Variants in FAT1 observed in about 807,000 individuals in gnomAD.
FAT1 encodes protocadherin Fat 1.
In FAT1, 171 loss-of-function variants were observed where a neutral mutation model predicts 329.8. The observed-to-expected ratio is 0.52, with a 90% CI of 0.46 to 0.59. The LOEUF is 0.59. Ranked by LOEUF, FAT1 falls within the 20% of genes least tolerant of loss-of-function variation. FAT1 has a pLI of 0.00. For synonymous variants in FAT1, 2,233 were observed against 2,228.6 expected, an observed-to-expected ratio of 1.00 and a Z score of -0.06; for missense variants, 5,672 against 5,774.4, an observed-to-expected ratio of 0.98 and a Z score of 0.57.
At position 186,620,556 on chromosome 4, in the gene FAT1, C is replaced by T. The variant is rs371979270; in HGVS notation, c.6030G>A (p.Glu2010=). 6.2e-7 allele frequency: 1 copy of T among 1,613,944 alleles called. No homozygotes were observed. Among genetic ancestry groups the T allele is most frequent in the Non-Finnish European group, 8.5e-7 (1 of 1,179,870 alleles). Residue 2010 remains glutamate, a synonymous_variant, in exon 10 of 27, where the codon GAG becomes GAA. Coordinates refer to ENST00000441802, the MANE Select transcript of FAT1 (RefSeq NM_005245.4). ...GGTTGAGGATGTGATAAAACAAAGG[C>T]TCATTGATTGGATTCCCAATAGCAG... The part of the protein sequence containing the change: ...VITAIGNPIN[E]PLFYHILNPD...
rs59250145 is a variant in FAT1, at chr4:186,604,756, A to T, written c.10351-182T>A. Among the ~76,000 whole-genome samples the T allele has an allele frequency of 0.15, 22,565 of 150,188 alleles. 1,884 individuals carry two copies. The highest frequency in any genetic ancestry group is 0.3 in the East Asian group (1,517 of 5,094). ...TGGTGGTGAGGAGGAGGGAAAGGAG[A>T]AGGGGTGTAGCGAAAAGGGAAGAAA... On this transcript the variant is annotated intron_variant, in intron 17 of 26. Coordinates refer to ENST00000441802, the MANE Select transcript of FAT1 (RefSeq NM_005245.4).
In FAT1 at chr4:186,596,438, C is replaced by A. The variant is rs1296177360; in HGVS notation, c.13000+102G>T. 2 of 1,304,854 alleles carry A rather than the reference C, an allele frequency of 1.5e-6. No homozygotes were observed. Among genetic ancestry groups the A allele is most frequent in the East Asian group, 4.7e-5 (2 of 42,312 alleles). The allele number at this position is 1,304,854 out of a possible 1,614,324, so 80.8% of individuals were successfully genotyped here. On this transcript the variant is annotated intron_variant, in intron 25 of 26. Transcript: ENST00000441802. This position sits in a 1 kb window ranked among gnomAD's most constrained non-coding sequence, Gnocchi z 4.7. The stretch of plus-strand genomic sequence containing the variant: ...TCATACGGATTTCAGTCTGAGCATA[C>A]TTGTCTCTAATGAAGAGTACACACA...
chr4:186,652,889 G>C (rs1209949356), intron 3 of FAT1, among the ~76,000 whole-genome samples: 1 of 152,140 alleles, frequency 6.6e-6, no homozygotes, highest in African/African-American at 2.4e-5. Flanking sequence ...CTACCATTTT[G>C]TAACTTTACT....
At chr4:186,641,939 G>C (rs1741115434) in intron 3 of FAT1, among the ~76,000 whole-genome samples, 1 of 151,970 alleles carries the variant, frequency 6.6e-6, no homozygotes, top group South Asian at 2.1e-4. Context: ...CCTGGGAAGA[G>C]GAGGCCACAG....
chr4:186,654,486 A>C (rs1309468942), intron 3 of FAT1, among the ~76,000 whole-genome samples: 1 of 152,232 alleles, frequency 6.6e-6, no homozygotes, highest in Non-Finnish European at 1.5e-5. Flanking sequence ...CTTCAAGCTC[A>C]GCTCTCCAAG....
At chr4:186,635,359 T>C (rs1165301320) in intron 6 of FAT1, among the ~76,000 whole-genome samples, 1 of 152,150 alleles carries the variant, frequency 6.6e-6, no homozygotes, top group Non-Finnish European at 1.5e-5. Context: ...AAAAAATACG[T>C]TGAATAGGGT....
intron 3 of FAT1, among the ~76,000 whole-genome samples, chr4:186,661,154 T>C (rs1171719189): frequency 2.0e-5 from 3 of 152,216 alleles, no homozygotes; most frequent in Non-Finnish European, 2.9e-5. Flanking sequence ...TTTCTGTCCA[T>C]GGTTCCTGGC....
At chr4:186,604,241 CA>C (rs1451116581) in intron 18 of FAT1, 135 bp downstream of exon 18, 6 of 767,362 alleles carry the variant, frequency 7.8e-6, no homozygotes, top group African/African-American at 1.8e-5. Flanking sequence ...GAAGGTATGG[CA>C]AAAAACAAAG....
chr4:186,636,893 T>A lies in FAT1; in HGVS notation c.3664A>T (p.Ser1222Cys), dbSNP rs377443970. 1 of 1,609,784 alleles carries A rather than the reference T, an allele frequency of 6.2e-7. No homozygotes were observed. The highest frequency in any genetic ancestry group is 2.2e-5 in the East Asian group (1 of 44,848). The change falls in exon 5 of 27, where the codon AGT (serine) becomes TGT (cysteine). Residue 1222 changes from serine to cysteine, a missense_variant. Physicochemically the swap from Ser to Cys is moderately radical, Grantham distance 112. Coordinates refer to ENST00000441802, the MANE Select transcript of FAT1 (RefSeq NM_005245.4). ...ILEVTVTDNG[S>C]PPKSTIARVI... ...CTTGCAATGGTTGATTTGGGGGGACTACCATTGTCTGTCACAGTAACCTGT... is the reference window on the plus strand; with the variant it reads ...CTTGCAATGGTTGATTTGGGGGGACAACCATTGTCTGTCACAGTAACCTGT...
At chr4:186,592,733 C>T in intron 26 of FAT1, 1 of 456,694 alleles carries the variant, frequency 2.2e-6, no homozygotes, top group Non-Finnish European at 4.4e-6. Context: ...TGACAAGGTG[C>T]ATTACGGTCA....
At chr4:186,699,009 T>C (rs1351885321) in intron 2 of FAT1, among the ~76,000 whole-genome samples, 1 of 152,226 alleles carries the variant, frequency 6.6e-6, no homozygotes, top group Non-Finnish European at 1.5e-5. Flanking sequence ...TTTTATAATT[T>C]GGCACAGACA....
chr4:186,695,945 C>T (rs1744011854), intron 2 of FAT1, among the ~76,000 whole-genome samples: 1 of 152,178 alleles, frequency 6.6e-6, no homozygotes, highest in Non-Finnish European at 1.5e-5. Flanking sequence ...GTGTGCGCCA[C>T]TAGGCCCAGC....
chr4:186,633,457 GTCT>G (rs1740682436), intron 7 of FAT1, among the ~76,000 whole-genome samples: 1 of 152,150 alleles, frequency 6.6e-6, no homozygotes, highest in South Asian at 2.1e-4. Context: ...GGTTTTTGAA[GTCT>G]TCTCTCAAAA....
chr4:186,604,957 G>A (rs951853004), intron 17 of FAT1, among the ~76,000 whole-genome samples: 20 of 151,962 alleles, frequency 1.3e-4, no homozygotes, highest in African/African-American at 2.2e-4. Flanking sequence ...GGTGGCTCAC[G>A]CCTGTCATCC....
Position 186,707,959 on chromosome 4 carries a change from T to C in FAT1, c.1869A>G (p.Val623=). 1 of 1,613,898 alleles carries C rather than the reference T, an allele frequency of 6.2e-7. No homozygotes were observed. Among genetic ancestry groups the C allele is most frequent in the South Asian group, 1.1e-5 (1 of 91,084 alleles). The change falls in exon 2 of 27, where the codon GTA becomes GTG. Residue 623 remains valine (V), a synonymous_variant. Coordinates refer to ENST00000441802, the MANE Select transcript of FAT1 (RefSeq NM_005245.4). The part of the protein sequence containing the change: ...DFFSLNPNSG[V]LSLKRSLMDG... ...CCATTAGCGATCGCTTTAATGACAA[T>C]ACCCCCGAGTTGGGGTTTAAACTAA...
Position 186,620,309 on chromosome 4 carries a change from C to A in FAT1, c.6277G>T (p.Asp2093Tyr), listed in dbSNP as rs749235072. ...NLPYYAVVKV[D>Y]TEVGHVIRYV... Reference sequence around the variant, plus strand: ...CGAATGACATGGCCCACCTCAGTGTCCACTTTAACAACGGCGTAGTAGGGA... The same window carrying A: ...CGAATGACATGGCCCACCTCAGTGTACACTTTAACAACGGCGTAGTAGGGA... Residue 2093 changes from aspartate to tyrosine, a missense_variant, in exon 10 of 27, where the codon GAC becomes TAC. Physicochemically the swap from Asp to Tyr is radical, Grantham distance 160. Transcript: ENST00000441802. The A allele has an allele frequency of 6.2e-7, 1 of 1,613,974 alleles. No individual in the cohort carries two copies. Among genetic ancestry groups the A allele is most frequent in the Non-Finnish European group, 8.5e-7 (1 of 1,179,896 alleles).
At chr4:186,624,948 A>G (rs976051353) in intron 9 of FAT1, among the ~76,000 whole-genome samples, 2 of 152,226 alleles carry the variant, frequency 1.3e-5, no homozygotes, top group Non-Finnish European at 2.9e-5. Flanking sequence ...TTTTTATATT[A>G]CCAAAACTAT....
At chr4:186,631,836 CT>C (rs1343500800) in intron 7 of FAT1, among the ~76,000 whole-genome samples, 1 of 151,068 alleles carries the variant, frequency 6.6e-6, no homozygotes, top group African/African-American at 2.5e-5. Context: ...GTGCCTCTCA[CT>C]GTCCAGCTGA....
At position 186,609,902 on chromosome 4, in the gene FAT1, C is replaced by G. The variant is rs1163461363; in HGVS notation, c.9967G>C (p.Val3323Leu). ...PSLSDVATVN[V>L]NVTDINDNTP... ...TTATCGTTGATATCTGTTACATTAA[C>G]GTTCACAGTGGCAACGTCGCTCAGT... The change falls in exon 15 of 27, where the codon GTT becomes CTT. Residue 3323 changes from valine (V) to leucine (L), a missense_variant. Coordinates refer to ENST00000441802, the MANE Select transcript of FAT1 (RefSeq NM_005245.4). 2 of 1,612,788 alleles carry G rather than the reference C, an allele frequency of 1.2e-6. No homozygotes were observed. The highest frequency in any genetic ancestry group is 1.7e-5 in the Admixed American group (1 of 59,960).
Sources: gnomAD v4.1 joint callset for allele counts (sites outside exome capture counted in the v4.1 genomes callset) on GRCh38, gnomAD v4.1.1 for gene constraint, Gnocchi (gnomAD v3.1) non-coding constraint, MANE v1.5 for transcripts, NCBI Gene and HGNC (gene_info 2026-07-23, HGNC 2026-07-21) for gene names.